CAPN8: variants seen among roughly 807,000 people sequenced by gnomAD.
The protein encoded by CAPN8 is calpain-8.
CAPN8 carries 87 observed loss-of-function variants against 80.9 expected under a neutral mutation model. The ratio of observed to expected loss-of-function variants is 1.07; its 90% CI spans 0.90 to 1.28. The LOEUF (loss-of-function observed/expected upper bound fraction) is 1.28. CAPN8 is among the 50% of genes most tolerant of loss of function. The probability of loss-of-function intolerance (pLI) is 0.00; values close to 1 mark genes in which losing one functional copy is unlikely to be tolerated. For synonymous variants in CAPN8, 299 were observed against 273.8 expected (o/e 1.09, Z -0.91); for missense variants, 757 against 702.0 (o/e 1.08, Z -0.89).
chr1:223,555,126 T>A (rs1656875284), intron 13 of CAPN8, among the ~76,000 whole-genome samples: 1 of 152,250 alleles, frequency 6.6e-6, no homozygotes. Flanking sequence ...ACTTACTACC[T>A]GTCAGGTACT....
intron 16 of CAPN8, among the ~76,000 whole-genome samples, chr1:223,548,869 A>C (rs1486511377): frequency 6.7e-6 from 1 of 149,698 alleles, no homozygotes; most frequent in Non-Finnish European, 1.5e-5. Context: ...AGCTGTCCAC[A>C]AGCCATGTTA....
intron 1 of CAPN8, among the ~76,000 whole-genome samples, chr1:223,662,428 A>G (rs554798419): frequency 1.1e-4 from 17 of 152,254 alleles, no homozygotes; most frequent in East Asian, 1.9e-4. Flanking sequence ...CAGCCTGGGC[A>G]ACAGAGAAAG....
intron 2 of CAPN8, among the ~76,000 whole-genome samples, chr1:223,638,360 G>GGTGTGTGT (rs34370642): frequency 6.6e-6 from 1 of 150,646 alleles, no homozygotes; most frequent in Non-Finnish European, 1.5e-5. Flanking sequence ...GACTGTATGG[G>GGTGTGTGT]GTGTGTGTGT....
Position 223,545,439 on chromosome 1 carries a change from G to C in CAPN8, c.1765-140C>G, listed in dbSNP as rs753172248. ...TGGCAAGCAGAGCAGTGGGGGTGACGGTGTGTAACAGGTTCAAATAAAGAT... is the reference window on the plus strand; with the variant it reads ...TGGCAAGCAGAGCAGTGGGGGTGACCGTGTGTAACAGGTTCAAATAAAGAT... On this transcript the variant is annotated intron_variant, in intron 16 of 20. Transcript: ENST00000366872. 12 of 1,298,286 alleles carry C rather than the reference G, an allele frequency of 9.2e-6. No individual in the cohort carries two copies. The Middle Eastern group carries it at 7.9e-4, about 85-fold the overall frequency. 80.4% of individuals were successfully genotyped at this position (1,298,286 alleles called of 1,614,324 possible).
chr1:223,546,867 G>A (rs193012141), intron 16 of CAPN8, among the ~76,000 whole-genome samples: 36 of 150,714 alleles, frequency 2.4e-4, no homozygotes, highest in Middle Eastern at 3.4e-3. Flanking sequence ...AGGAATCAGG[G>A]GTTTTTGTTT....
chr1:223,544,728 G>A (rs1392109495), intron 18 of CAPN8, 44 bp downstream of exon 18: 6 of 1,549,866 alleles, frequency 3.9e-6, no homozygotes, highest in Non-Finnish European at 4.4e-6. Context: ...TTTACAATGT[G>A]CACACCTGGA....
At chr1:223,611,372 A>G (rs1168234514) in intron 11 of CAPN8, among the ~76,000 whole-genome samples, 2 of 152,168 alleles carry the variant, frequency 1.3e-5, no homozygotes, top group African/African-American at 4.8e-5. Context: ...GCCCCTTTCC[A>G]TGGCAACAAC....
At chr1:223,628,471 G>C (rs538039471) in intron 3 of CAPN8, among the ~76,000 whole-genome samples, 191 bp downstream of exon 3, 2 of 152,346 alleles carry the variant, frequency 1.3e-5, no homozygotes, top group East Asian at 3.9e-4. Context: ...GAAGAGGATG[G>C]ATGTGTGGAT....
intron 1 of CAPN8, among the ~76,000 whole-genome samples, chr1:223,659,539 C>G (rs1171676195): frequency 2.0e-5 from 3 of 152,228 alleles, no homozygotes; most frequent in African/African-American, 7.2e-5. Context: ...TGCGCCTTCT[C>G]TTCAGTCTCT....
At chr1:223,647,679 C>T (rs936657363) in intron 2 of CAPN8, among the ~76,000 whole-genome samples, 7 of 152,064 alleles carry the variant, frequency 4.6e-5, no homozygotes, top group Non-Finnish European at 7.4e-5. Context: ...ACACCTGCTG[C>T]AGTCATATTT....
chr1:223,653,688 T>A (rs956382585), intron 2 of CAPN8, among the ~76,000 whole-genome samples: 3 of 152,172 alleles, frequency 2.0e-5, no homozygotes, highest in African/African-American at 7.2e-5. Context: ...CTGTGAAGCC[T>A]TGGTATCGGG....
chr1:223,546,889 GTTGTTGTTGTTGTTGTT>G (rs1558335202), intron 16 of CAPN8, among the ~76,000 whole-genome samples: 4 of 11,166 alleles, frequency 3.6e-4, no homozygotes, highest in East Asian at 6.2e-3. Flanking sequence ...TTTTGTGGTT[GTTGTTGTTGTTGTTGTT>G]GTTGTTGTTG....
intron 1 of CAPN8, among the ~76,000 whole-genome samples, chr1:223,659,731 G>T (rs997054374): frequency 6.6e-6 from 1 of 152,098 alleles, no homozygotes; most frequent in African/African-American, 2.4e-5. Flanking sequence ...CCTTATTCAA[G>T]CATCCCAATA....
chr1:223,552,397 C>T (rs1656812359), intron 14 of CAPN8, among the ~76,000 whole-genome samples: 2 of 152,040 alleles, frequency 1.3e-5, no homozygotes, highest in Non-Finnish European at 1.5e-5. Context: ...AACCCTGTCT[C>T]TACTAAAAAT....
At chr1:223,649,017 G>A (rs1419219806) in intron 2 of CAPN8, among the ~76,000 whole-genome samples, 1 of 152,184 alleles carries the variant, frequency 6.6e-6, no homozygotes, top group African/African-American at 2.4e-5. Flanking sequence ...AAACCTAGTA[G>A]CATGTGTTAT....
intron 2 of CAPN8, among the ~76,000 whole-genome samples, chr1:223,648,333 C>G (rs951573858): frequency 1.9e-4 from 29 of 152,254 alleles, no homozygotes; most frequent in African/African-American, 7.0e-4. Flanking sequence ...ACCTCGGAGG[C>G]CTGACCCTGT....
At chr1:223,621,539 T>C (rs963547472) in intron 7 of CAPN8, among the ~76,000 whole-genome samples, 1 of 152,112 alleles carries the variant, frequency 6.6e-6, no homozygotes, top group African/African-American at 2.4e-5. Flanking sequence ...TGTCATCCTT[T>C]TAGGGAAGTT....
At chr1:223,639,275 A>G (rs1444366703) in intron 2 of CAPN8, among the ~76,000 whole-genome samples, 1 of 152,222 alleles carries the variant, frequency 6.6e-6, no homozygotes, top group African/African-American at 2.4e-5. Flanking sequence ...AAAGTAGATT[A>G]ACAAGATGGC....
chr1:223,639,629 A>T (rs1198207049), intron 2 of CAPN8, among the ~76,000 whole-genome samples: 1 of 152,258 alleles, frequency 6.6e-6, no homozygotes, highest in Non-Finnish European at 1.5e-5. Flanking sequence ...TCAGCCTCTA[A>T]AAGCCCACGC....
Sources: gnomAD v4.1 joint callset for allele counts (sites outside exome capture counted in the v4.1 genomes callset) on GRCh38, gnomAD v4.1.1 for gene constraint, MANE v1.5 for transcripts, NCBI Gene and HGNC (gene_info 2026-07-23, HGNC 2026-07-21) for gene names.